WBP2NL: variants seen among roughly 807,000 people sequenced by gnomAD.
The protein encoded by WBP2NL is WBP2 N-terminal like.
In WBP2NL, 27 loss-of-function variants were observed where a neutral mutation model predicts 23.3. The observed-to-expected ratio is 1.16, with a 90% CI of 0.85 to 1.60. WBP2NL has a LOEUF of 1.60. Ranked by LOEUF, WBP2NL falls within the 40% of genes most tolerant of loss-of-function variation. The pLI is 0.00. For synonymous variants in WBP2NL, 151 were observed against 145.9 expected (o/e 1.03, Z -0.25); for missense variants, 370 against 389.5 (o/e 0.95, Z 0.42).
chr22:42,029,814 C>T (rs190843799), downstream of WBP2NL: 11 of 152,338 alleles, frequency 7.2e-5, no homozygotes, highest in East Asian at 5.8e-4. Context: ...TACACCATAA[C>T]GTATTTTCTC....
chr22:42,001,183 A>G (rs115780310), intron 1 of WBP2NL: 1 of 779,158 alleles, frequency 1.3e-6, no homozygotes, highest in African/African-American at 1.7e-5. Flanking sequence ...CATCATGAGT[A>G]ATCTTCCTCC....
chr22:42,030,350 T>G (rs949995664), downstream of WBP2NL, among the ~76,000 whole-genome samples: 1 of 152,262 alleles, frequency 6.6e-6, no homozygotes, highest in Admixed American at 6.5e-5. Context: ...AAAAGACCAT[T>G]CTTCCTTCCA....
intron 5 of WBP2NL, among the ~76,000 whole-genome samples, chr22:42,026,387 G>A (rs982710263): frequency 6.6e-6 from 1 of 151,530 alleles, no homozygotes; most frequent in Non-Finnish European, 1.5e-5. Context: ...CACCAAAATA[G>A]TAAGTGTTCA....
At position 42,020,054 on chromosome 22, in the gene WBP2NL, G is replaced by T; in HGVS notation, c.364G>T (p.Ala122Ser). The T allele has an allele frequency of 6.2e-7, 1 of 1,614,150 alleles. No individual in the cohort carries two copies. Among genetic ancestry groups the T allele is most frequent in the Non-Finnish European group, 8.5e-7 (1 of 1,180,000 alleles). ...TAAATTAGTCTTCAGAAATGGAGAT[G>T]CCATTGAATTTGCCCAGTTGATGGT... Reference protein sequence around the residue: ...TFKLVFRNGDAIEFAQLMVKA... With the variant: ...TFKLVFRNGDSIEFAQLMVKA... The change falls in exon 4 of 6, where the codon GCC (alanine) becomes TCC (serine). Residue 122 changes from alanine (A) to serine (S), a missense_variant. Transcript: ENST00000328823.
chr22:42,018,283 A>G lies in WBP2NL; in HGVS notation c.63-1028A>G, dbSNP rs867328065. Among the ~76,000 whole-genome samples, 12 of 146,196 alleles carry G rather than the reference A, an allele frequency of 8.2e-5. 1 individual carries two copies. Among genetic ancestry groups the G allele is most frequent in the South Asian group, 4.5e-4 (2 of 4,440 alleles). ...AGCAGAGATTATGCCACTGCACTCCAGCCTGGGCAACAGAGTGAGACCCTG... is the reference window on the plus strand; with the variant it reads ...AGCAGAGATTATGCCACTGCACTCCGGCCTGGGCAACAGAGTGAGACCCTG... On this transcript the variant is annotated intron_variant, in intron 1 of 5. Transcript: ENST00000328823.
At chr22:42,030,941 C>T (rs552965934), downstream of WBP2NL, 5 of 152,342 alleles carry the variant, frequency 3.3e-5, no homozygotes, top group Admixed American at 3.3e-4. Context: ...AACTAGACTT[C>T]TCTTCTGCTC....
chr22:42,002,062 T>C (rs1921758942), intron 1 of WBP2NL: 1 of 461,220 alleles, frequency 2.2e-6, no homozygotes, highest in Middle Eastern at 5.6e-4. Flanking sequence ...ATTTGGTGTT[T>C]GGGTGTCTTC....
chr22:42,056,451 A>T (rs1038624090), intron 8 of WBP2NL, among the ~76,000 whole-genome samples: 4 of 152,158 alleles, frequency 2.6e-5, no homozygotes, highest in Non-Finnish European at 5.9e-5. Flanking sequence ...ATATTTACTT[A>T]TGTAGTTCCA....
chr22:41,999,259 C>T (rs1453399575), intron 1 of WBP2NL, among the ~76,000 whole-genome samples: 1 of 152,184 alleles, frequency 6.6e-6, no homozygotes, highest in Non-Finnish European at 1.5e-5. Flanking sequence ...GCGTGGCTGC[C>T]CTTGGGTGCC....
At chr22:42,042,643 G>T (rs1925438096) in intron 8 of WBP2NL, among the ~76,000 whole-genome samples, 1 of 152,126 alleles carries the variant, frequency 6.6e-6, no homozygotes, top group Non-Finnish European at 1.5e-5. Context: ...TTATCAGGCG[G>T]TTCATGGATA....
intron 1 of WBP2NL, among the ~76,000 whole-genome samples, chr22:42,005,638 CAATA>C (rs932454590): frequency 6.6e-6 from 1 of 152,132 alleles, no homozygotes. Context: ...ACAGCAGAAA[CAATA>C]ACCAATACAG....
intron 4 of WBP2NL, among the ~76,000 whole-genome samples, chr22:42,021,822 C>T (rs1023669625): frequency 1.5e-5 from 2 of 137,414 alleles, no homozygotes; most frequent in Non-Finnish European, 3.1e-5. Context: ...CAAGGTCTTA[C>T]TCTGTCACCC....
At chr22:42,000,881 G>A (rs1921580645) in intron 1 of WBP2NL, among the ~76,000 whole-genome samples, 1 of 152,114 alleles carries the variant, frequency 6.6e-6, no homozygotes, top group South Asian at 2.1e-4. Flanking sequence ...CACCCAAAAG[G>A]TGAACCAAAA....
At position 42,012,758 on chromosome 22, in the gene WBP2NL, C is replaced by A. The variant is rs6002573; in HGVS notation, c.63-6553C>A. Among the ~76,000 whole-genome samples the A allele has an allele frequency of 1.5e-3, 221 of 151,992 alleles. 1 individual carries two copies. The highest frequency in any genetic ancestry group is 5.0e-3 in the African/African-American group (208 of 41,476). Reference sequence around the variant, plus strand: ...CTGTAATCACAGCACTTTGGGAGGCCGAGGCAGGTGGATCACGAGGTCAGA... The same window carrying A: ...CTGTAATCACAGCACTTTGGGAGGCAGAGGCAGGTGGATCACGAGGTCAGA... On this transcript the variant is annotated intron_variant, in intron 1 of 5. Coordinates refer to ENST00000328823, the MANE Select transcript of WBP2NL (RefSeq NM_152613.3).
intron 8 of WBP2NL, among the ~76,000 whole-genome samples, chr22:42,051,200 T>C (rs1345380389): frequency 1.3e-5 from 2 of 152,206 alleles, no homozygotes; most frequent in East Asian, 3.8e-4. Flanking sequence ...TGAAAAGATA[T>C]GGAGGAACCC....
At chr22:42,047,188 TTG>T (rs1357639193) in intron 8 of WBP2NL, among the ~76,000 whole-genome samples, 1 of 151,324 alleles carries the variant, frequency 6.6e-6, no homozygotes, top group Non-Finnish European at 1.5e-5. Context: ...CTAGTTCACT[TTG>T]TGTCAAGAGC....
Position 42,028,411 on chromosome 22 carries a change from C to A in WBP2NL, c.*1230C>A. 1 of 198,288 alleles carries A rather than the reference C, an allele frequency of 5.0e-6. No homozygotes were observed. The highest frequency in any genetic ancestry group is 1.1e-4 in the East Asian group (1 of 8,980). 12.3% of individuals were successfully genotyped at this position (198,288 alleles called of 1,614,324 possible). Reference sequence around the variant, plus strand: ...GTAGATAATTGCATATGATTCCACACCATTTCAACCAAAATTAATAGGCCA... The same window carrying A: ...GTAGATAATTGCATATGATTCCACAACATTTCAACCAAAATTAATAGGCCA... On this transcript the variant is annotated 3_prime_UTR_variant, in exon 6 of 6. Transcript: ENST00000328823.
At chr22:42,040,505 G>A (rs1165987222) in intron 8 of WBP2NL, among the ~76,000 whole-genome samples, 1 of 152,226 alleles carries the variant, frequency 6.6e-6, no homozygotes, top group African/African-American at 2.4e-5. Flanking sequence ...TAACAGGTGT[G>A]TGAGCCACCT....
At chr22:42,039,744 A>G (rs766301063) in intron 8 of WBP2NL, among the ~76,000 whole-genome samples, 31 of 151,634 alleles carry the variant, frequency 2.0e-4, no homozygotes, top group Non-Finnish European at 4.1e-4. Flanking sequence ...TTTTTAATCT[A>G]GCTAAAGGCT....
Sources: allele counts gnomAD v4.1 joint callset (sites outside exome capture counted in the v4.1 genomes callset), GRCh38; gene constraint gnomAD v4.1.1; transcripts MANE v1.5; gene names NCBI Gene and HGNC (gene_info 2026-07-23, HGNC 2026-07-21).